NPHS1: variants seen among roughly 807,000 people sequenced by gnomAD.
NPHS1 encodes the protein NPHS1 adhesion molecule, nephrin, also known as nephrin.
NPHS1 carries 107 observed loss-of-function variants against 139.7 expected under a neutral mutation model. That is an observed-to-expected ratio of 0.77 (90% CI 0.66 to 0.90). The LOEUF (loss-of-function observed/expected upper bound fraction) is 0.90, where lower values mean the gene tolerates loss of function less well. Ranked by LOEUF, NPHS1 falls within the 40% of genes least tolerant of loss-of-function variation. NPHS1 has a pLI of 0.00. For synonymous variants in NPHS1, 707 were observed against 706.6 expected (o/e 1.00, Z -0.01); for missense variants, 1,580 against 1,654.2 (o/e 0.96, Z 0.78).
chr19:35,851,414 A>C (rs1362077624), intron 2 of NPHS1, 30 bp from the exon 3 acceptor site: 1 of 1,612,686 alleles, frequency 6.2e-7, no homozygotes, highest in Non-Finnish European at 8.5e-7. Context: ...TCAGGGCCGC[A>C]GCTTCCGCTG....
chr19:35,835,240 A>T lies in NPHS1; in HGVS notation c.3166+465T>A, dbSNP rs181482293. Among the ~76,000 whole-genome samples, 708 of 145,584 alleles carry T rather than the reference A, an allele frequency of 4.9e-3. 6 individuals carry two copies. The highest frequency in any genetic ancestry group is 9.2e-3 in the Non-Finnish European group (605 of 66,016). On this transcript the variant is annotated intron_variant, in intron 23 of 28. Coordinates refer to ENST00000378910, the MANE Select transcript of NPHS1 (RefSeq NM_004646.4). Reference sequence around the variant, plus strand: ...AAAAAGAAAGAAAGAAAGAAAAAAGAGGAAGCTCTAAGGAGTCTGCAAGTC... The same window carrying T: ...AAAAAGAAAGAAAGAAAGAAAAAAGTGGAAGCTCTAAGGAGTCTGCAAGTC...
Position 35,848,393 on chromosome 19 carries a change from AGT to A in NPHS1, c.1173_1174del (p.Leu392AlafsTer26). The A allele has an allele frequency of 6.2e-7, 1 of 1,614,134 alleles. No individual in the cohort carries two copies. The highest frequency in any genetic ancestry group is 8.5e-7 in the Non-Finnish European group (1 of 1,180,024). ...GGACATGGAGATGTGACCGCCATGCAGTCCCTGGCAGGGAGTGAGCTTCAGAC... is the reference window on the plus strand; with the variant it reads ...GGACATGGAGATGTGACCGCCATGCACCCTGGCAGGGAGTGAGCTTCAGAC... On this transcript the variant is annotated frameshift_variant and splice_region_variant, in exon 10 of 29. Transcript: ENST00000378910. LOFTEE classifies it high-confidence loss of function.
intron 22 of NPHS1, 65 bp downstream of exon 22, chr19:35,839,172 C>T: frequency 2.0e-6 from 3 of 1,484,146 alleles, no homozygotes; most frequent in South Asian, 1.1e-5. Flanking sequence ...ATAGTATTGA[C>T]TTCACCATAC....
chr19:35,851,273 A>G lies in NPHS1; in HGVS notation c.386T>C (p.Leu129Pro), dbSNP rs1423405808. 2 of 1,613,924 alleles carry G rather than the reference A, an allele frequency of 1.2e-6. No individual in the cohort carries two copies. The highest frequency in any genetic ancestry group is 1.7e-6 in the Non-Finnish European group (2 of 1,179,938). The part of the protein sequence containing the change: ...GPELVSPRVI[L>P]SILVPPKLLL... ...TCTCTCACCCATACCCAGGATGGAG[A>G]GGATCACTCTGGGAGACACGAGCTC... The change falls in exon 3 of 29, where the codon CTC becomes CCC. Residue 129 changes from leucine (L) to proline (P), a missense_variant. Coordinates refer to ENST00000378910, the MANE Select transcript of NPHS1 (RefSeq NM_004646.4).
chr19:35,834,102 A>G (rs555457186), intron 23 of NPHS1, among the ~76,000 whole-genome samples: 77 of 152,148 alleles, frequency 5.1e-4, no homozygotes, highest in African/African-American at 1.8e-3. Context: ...GGTTGCAATC[A>G]TCTCCCAGTA....
intron 22 of NPHS1, among the ~76,000 whole-genome samples, chr19:35,836,742 C>T (rs1448142132): frequency 6.6e-6 from 1 of 151,812 alleles, no homozygotes; most frequent in Non-Finnish European, 1.5e-5. Context: ...CGTCTGTAAT[C>T]CCAGCACTTT....
At position 35,850,948 on chromosome 19, in the gene NPHS1, C is replaced by A; in HGVS notation, c.526+13G>T. ...TCATGCTGCCCCCTGCCACCCAGTT[C>A]ACCCACACTCACTCAGGAGAATGGT... is the stretch of plus-strand genomic sequence containing the variant. On this transcript the variant is annotated intron_variant, in intron 4 of 28. Transcript: ENST00000378910. 1 of 1,613,798 alleles carries A rather than the reference C, an allele frequency of 6.2e-7. No individual in the cohort carries two copies. The highest frequency in any genetic ancestry group is 1.1e-5 in the South Asian group (1 of 91,044).
At chr19:35,834,067 T>C (rs1296469402) in intron 23 of NPHS1, among the ~76,000 whole-genome samples, 1 of 144,140 alleles carries the variant, frequency 6.9e-6, no homozygotes, top group Admixed American at 6.7e-5. Flanking sequence ...TTTCTCGGGC[T>C]CTGAAGGGGA....
At position 35,849,681 on chromosome 19, in the gene NPHS1, T is replaced by C. The variant is rs750623405; in HGVS notation, c.609-28A>G. The C allele has an allele frequency of 5.2e-6, 8 of 1,541,564 alleles. No individual in the cohort carries two copies. In the South Asian group the frequency reaches 8.9e-5, roughly 17 times the overall value. On this transcript the variant is annotated intron_variant, in intron 5 of 28. Coordinates refer to ENST00000378910, the MANE Select transcript of NPHS1 (RefSeq NM_004646.4). ...GGGATGAGAAGTCAGGGTTATAGAG[T>C]CAGAGTCATCATCTGAAATTTGGGG...
In NPHS1 at chr19:35,851,091, T is replaced by C. The variant is rs1555763974; in HGVS notation, c.398-2A>G. ...TCAGCAGGAGCAGCTTGGGAGGAAC[T>C]GGTGAGAGAAGGGTCTGGGGTAAGC... is the stretch of plus-strand genomic sequence containing the variant. On this transcript the variant is annotated splice_acceptor_variant, in intron 3 of 28. Coordinates refer to ENST00000378910, the MANE Select transcript of NPHS1 (RefSeq NM_004646.4). LOFTEE classifies it high-confidence loss of function. 3.7e-6 allele frequency: 6 copies of C among 1,614,110 alleles called. No homozygotes were observed. Among genetic ancestry groups the C allele is most frequent in the Non-Finnish European group, 5.1e-6 (6 of 1,180,010 alleles).
At position 35,831,753 on chromosome 19, in the gene NPHS1, C is replaced by T; in HGVS notation, c.3176G>A (p.Gly1059Glu). 6.4e-7 allele frequency: 1 copy of T among 1,570,952 alleles called. No homozygotes were observed. The highest frequency in any genetic ancestry group is 8.6e-7 in the Non-Finnish European group (1 of 1,158,828). The change falls in exon 24 of 29, where the codon GGG (glycine) becomes GAG (glutamate). Residue 1059 changes from glycine (G) to glutamate (E), a missense_variant. Transcript: ENST00000378910. ...GAACAGCACAGGCAGCAGGGGCAGCCCCGAGGGTCCTAGGGGTGGAAGATA... is the reference window on the plus strand; with the variant it reads ...GAACAGCACAGGCAGCAGGGGCAGCTCCGAGGGTCCTAGGGGTGGAAGATA... ...LPTEPPSGPS[G>E]LPLLPVLFAL...
chr19:35,833,091 G>C (rs557367779), intron 23 of NPHS1, among the ~76,000 whole-genome samples: 2 of 148,338 alleles, frequency 1.3e-5, no homozygotes, highest in Non-Finnish European at 3.0e-5. Context: ...ACGGAGTTTC[G>C]CCATGTTGGA....
At chr19:35,846,982 T>G (rs1447609381) in intron 11 of NPHS1, among the ~76,000 whole-genome samples, 2 of 152,216 alleles carry the variant, frequency 1.3e-5, no homozygotes, top group African/African-American at 4.8e-5. Context: ...AAGAGTTCAG[T>G]TTAATACTAA....
intron 6 of NPHS1, 27 bp downstream of exon 6, chr19:35,849,523 C>A (rs368826803): frequency 6.2e-7 from 1 of 1,603,184 alleles, no homozygotes; most frequent in South Asian, 1.1e-5. Context: ...ATCCTCAGCG[C>A]CCTAGTTGGC....
rs530404211 is a variant in NPHS1, at chr19:35,842,028, A to G, written c.2663+96T>C. 22 of 1,450,740 alleles carry G rather than the reference A, an allele frequency of 1.5e-5. No homozygotes were observed. In the African/African-American group the frequency reaches 2.7e-4, roughly 18 times the overall value. The allele number at this position is 1,450,740 out of a possible 1,614,324, so 89.9% of individuals were successfully genotyped here. Reference sequence around the variant, plus strand: ...CATTCACTCACTCATTCCTCCACCCATTCGTCTTCCTTCTCTGCAGGGACT... The same window carrying G: ...CATTCACTCACTCATTCCTCCACCCGTTCGTCTTCCTTCTCTGCAGGGACT... On this transcript the variant is annotated intron_variant, in intron 19 of 28. Transcript: ENST00000378910.
intron 23 of NPHS1, among the ~76,000 whole-genome samples, chr19:35,832,325 C>A (rs1400232452): frequency 3.9e-5 from 6 of 152,138 alleles, no homozygotes; most frequent in Admixed American, 6.6e-5. Flanking sequence ...GGGAGAATCG[C>A]TTGAGCCTAG....
chr19:35,847,641 C>T lies in NPHS1; in HGVS notation c.1440+400G>A, dbSNP rs148933663. Among the ~76,000 whole-genome samples the T allele has an allele frequency of 9.2e-3, 1,387 of 151,338 alleles. 8 individuals carry two copies. Among genetic ancestry groups the T allele is most frequent in the Non-Finnish European group, 0.014 (933 of 67,884 alleles). ...AAAGTGCTTGGATTACAGGCGTGAGCCACTGTGCCCAGCCAAATTTTACAG... is the reference window on the plus strand; with the variant it reads ...AAAGTGCTTGGATTACAGGCGTGAGTCACTGTGCCCAGCCAAATTTTACAG... On this transcript the variant is annotated intron_variant, in intron 11 of 28. Transcript: ENST00000378910.
At chr19:35,839,127 A>C (rs558255456) in intron 22 of NPHS1, 110 bp downstream of exon 22, 1 of 1,040,774 alleles carries the variant, frequency 9.6e-7, no homozygotes, top group East Asian at 2.4e-5. Context: ...TTTGCTTAAC[A>C]GCTATAGGCC....
chr19:35,845,999 A>G lies in NPHS1; in HGVS notation c.1627+9T>C. 5 of 1,444,024 alleles carry G rather than the reference A, an allele frequency of 3.5e-6. No homozygotes were observed. The highest frequency in any genetic ancestry group is 4.7e-6 in the Non-Finnish European group (5 of 1,067,116). 89.5% of individuals were successfully genotyped at this position (1,444,024 alleles called of 1,614,324 possible). A position where few individuals can be genotyped will look rare whatever the true frequency, so the allele number is the denominator to read the frequency against. On this transcript the variant is annotated intron_variant, in intron 12 of 28. Transcript: ENST00000378910. This position sits in a 1 kb window ranked among gnomAD's most constrained non-coding sequence, Gnocchi z 5.5. ...CCCGCCCCCGGGCCTCAGCAGTGCG[A>G]GCCCTCACACTGCACCGCCAGCTGC...
Sources: allele counts gnomAD v4.1 joint callset (sites outside exome capture counted in the v4.1 genomes callset), GRCh38; gene constraint gnomAD v4.1.1; non-coding constraint Gnocchi (gnomAD v3.1); transcripts MANE v1.5; gene names NCBI Gene and HGNC (gene_info 2026-07-23, HGNC 2026-07-21).